Variants in OTUD7A observed in about 807,000 individuals in gnomAD.
OTUD7A encodes OTU deubiquitinase 7A.
In OTUD7A, 12 loss-of-function variants were observed where a neutral mutation model predicts 65.7. The observed-to-expected ratio is 0.18, with a 90% CI of 0.12 to 0.30. The LOEUF (loss-of-function observed/expected upper bound fraction) is 0.30. Ranked by LOEUF, OTUD7A falls within the 10% of genes least tolerant of loss-of-function variation. OTUD7A has a pLI of 1.00. For missense variants in OTUD7A, 1,148 were observed against 1,304.8 expected, an observed-to-expected ratio of 0.88 and a Z score of 1.85; for synonymous variants, 641 against 586.3, an observed-to-expected ratio of 1.09 and a Z score of -1.35.
At chr15:31,570,399 C>A (rs550647068) in intron 3 of OTUD7A, among the ~76,000 whole-genome samples, 1 of 150,752 alleles carries the variant, frequency 6.6e-6, no homozygotes, top group African/African-American at 2.4e-5. Flanking sequence ...TGACGTCCAT[C>A]TAAAATATGT....
intron 3 of OTUD7A, among the ~76,000 whole-genome samples, chr15:31,644,517 C>T (rs1595680731): frequency 6.6e-6 from 1 of 152,204 alleles, no homozygotes; most frequent in East Asian, 1.9e-4. Flanking sequence ...CTTAGTGTTG[C>T]CTAGGCTGGA....
intron 1 of OTUD7A, among the ~76,000 whole-genome samples, chr15:31,777,798 T>A (rs141665839): frequency 2.0e-5 from 3 of 152,110 alleles, no homozygotes; most frequent in Non-Finnish European, 4.4e-5. Flanking sequence ...GCCCACAAAC[T>A]CTGAAAGCTG....
intron 3 of OTUD7A, among the ~76,000 whole-genome samples, chr15:31,607,846 T>C (rs769880026): frequency 2.6e-5 from 4 of 152,240 alleles, no homozygotes; most frequent in Non-Finnish European, 5.9e-5. Flanking sequence ...AACTCTGTGA[T>C]GTTTGCACAA....
intron 1 of OTUD7A, among the ~76,000 whole-genome samples, chr15:31,745,386 C>A (rs1894448905): frequency 6.6e-6 from 1 of 151,982 alleles, no homozygotes; most frequent in Non-Finnish European, 1.5e-5. Context: ...CTCAATAGTA[C>A]AAAATACAGG....
intron 3 of OTUD7A, among the ~76,000 whole-genome samples, chr15:31,572,212 G>A (rs1433040734): frequency 6.6e-6 from 1 of 152,094 alleles, no homozygotes; most frequent in Non-Finnish European, 1.5e-5. Flanking sequence ...AATACACACA[G>A]CTGAAAATAT....
At chr15:31,577,385 TTTAGGCA>T (rs1889234129) in intron 3 of OTUD7A, among the ~76,000 whole-genome samples, 2 of 152,208 alleles carry the variant, frequency 1.3e-5, no homozygotes, top group African/African-American at 4.8e-5. Context: ...ACTTCAAATC[TTTAGGCA>T]AAGCTGAACT....
At chr15:31,807,068 A>G (rs952149679) in intron 1 of OTUD7A, among the ~76,000 whole-genome samples, 7 of 152,210 alleles carry the variant, frequency 4.6e-5, no homozygotes, top group Non-Finnish European at 8.8e-5. Flanking sequence ...GGCTATTTCA[A>G]TTCAATCTGT....
intron 2 of OTUD7A, among the ~76,000 whole-genome samples, chr15:31,655,514 C>T (rs367887275): frequency 6.6e-6 from 1 of 151,240 alleles, no homozygotes; most frequent in East Asian, 1.9e-4. Flanking sequence ...TGTTCCCTCC[C>T]AAAATTCATA....
At chr15:31,824,505 C>T (rs1026435460) in intron 1 of OTUD7A, among the ~76,000 whole-genome samples, 2 of 152,210 alleles carry the variant, frequency 1.3e-5, no homozygotes, top group Admixed American at 6.5e-5. Context: ...TGCCTCTTTA[C>T]TGTAAGAAAT....
intron 4 of OTUD7A, among the ~76,000 whole-genome samples, chr15:31,562,331 C>T (rs1055532328): frequency 3.9e-5 from 6 of 152,206 alleles, no homozygotes; most frequent in South Asian, 4.1e-4. Flanking sequence ...CAGGAGGCAA[C>T]GTTCCTTTGC....
At chr15:31,851,659 A>G (rs1350465656) in intron 1 of OTUD7A, among the ~76,000 whole-genome samples, 2 of 152,136 alleles carry the variant, frequency 1.3e-5, no homozygotes, top group East Asian at 3.9e-4. Flanking sequence ...ATTTGAACTA[A>G]TCCTTTGGGT....
chr15:31,801,862 T>C (rs1284799545), intron 1 of OTUD7A, among the ~76,000 whole-genome samples: 1 of 152,148 alleles, frequency 6.6e-6, no homozygotes, highest in Non-Finnish European at 1.5e-5. Flanking sequence ...TATTTATATA[T>C]TTTTATATAG....
intron 5 of OTUD7A, among the ~76,000 whole-genome samples, chr15:31,540,122 T>C (rs1185714468): frequency 1.3e-5 from 2 of 152,248 alleles, no homozygotes; most frequent in Non-Finnish European, 2.9e-5. Context: ...AGTTTGGTTA[T>C]AATTTTCAAT....
At chr15:31,611,242 G>A (rs1223109904) in intron 3 of OTUD7A, among the ~76,000 whole-genome samples, 1 of 152,022 alleles carries the variant, frequency 6.6e-6, no homozygotes, top group African/African-American at 2.4e-5. Context: ...CACACCTCAA[G>A]GAACTAGAGA....
intron 1 of OTUD7A, among the ~76,000 whole-genome samples, chr15:31,752,075 A>T (rs1894652233): frequency 6.6e-6 from 1 of 152,172 alleles, no homozygotes; most frequent in South Asian, 2.1e-4. Flanking sequence ...TTATAAATGA[A>T]TGTGGCATAT....
At chr15:31,505,619 G>A (rs1044328306) in intron 8 of OTUD7A, among the ~76,000 whole-genome samples, 1 of 152,084 alleles carries the variant, frequency 6.6e-6, no homozygotes. Context: ...GAATAGGGTG[G>A]AGGAGAGTTA....
intron 8 of OTUD7A, among the ~76,000 whole-genome samples, chr15:31,513,059 C>T (rs1451670811): frequency 2.0e-5 from 3 of 152,068 alleles, no homozygotes; most frequent in Admixed American, 1.3e-4. Context: ...TTAGTGGAGA[C>T]GGGTTTTCAC....
At chr15:31,544,237 G>A (rs1888065744) in intron 5 of OTUD7A, among the ~76,000 whole-genome samples, 1 of 151,590 alleles carries the variant, frequency 6.6e-6, no homozygotes, top group Non-Finnish European at 1.5e-5. Context: ...AGCTAAAATA[G>A]TATGGAGAAA....
At chr15:31,658,414 G>A (rs1333096887) in intron 1 of OTUD7A, among the ~76,000 whole-genome samples, 1 of 152,086 alleles carries the variant, frequency 6.6e-6, no homozygotes, top group Non-Finnish European at 1.5e-5. Context: ...AAACTGGTGG[G>A]GGCTCCTGCC....
Sources: allele counts gnomAD v4.1 joint callset (sites outside exome capture counted in the v4.1 genomes callset), GRCh38; gene constraint gnomAD v4.1.1; transcripts MANE v1.5; gene names NCBI Gene and HGNC (gene_info 2026-07-23, HGNC 2026-07-21).